HTR1D: variants seen among roughly 807,000 people sequenced by gnomAD.
HTR1D encodes 5-hydroxytryptamine receptor 1D.
HTR1D carries 18 observed loss-of-function variants against 21.1 expected under a neutral mutation model. The observed-to-expected ratio is 0.85, with a 90% CI of 0.59 to 1.27. HTR1D has a LOEUF of 1.27. Ranked by LOEUF, HTR1D falls within the 50% of genes most tolerant of loss-of-function variation. The pLI, the probability that HTR1D is intolerant of heterozygous loss-of-function variation, is 0.00. For missense variants in HTR1D, 456 were observed against 481.4 expected (o/e 0.95, Z 0.49); for synonymous variants, 196 against 204.4 (o/e 0.96, Z 0.35).
At chr1:23,212,624 CT>C (rs752422278) in intron 1 of HTR1D, among the ~76,000 whole-genome samples, 2 of 152,120 alleles carry the variant, frequency 1.3e-5, no homozygotes, top group Admixed American at 6.5e-5. Flanking sequence ...TTGTTCATAG[CT>C]ATATATTTTA....
intron 1 of HTR1D, among the ~76,000 whole-genome samples, chr1:23,209,799 A>T (rs1644747201): frequency 6.6e-6 from 1 of 152,132 alleles, no homozygotes; most frequent in Admixed American, 6.5e-5. Flanking sequence ...ATGCTCCACC[A>T]TCCATAAAAG....
rs1021907684 is a variant in HTR1D at position 23,217,457 on chromosome 1, C to T, written c.-949G>A. ...CCTTTCCGGCTCGCGCCCTCGCGAT[C>T]CCGCACCTGCCTCCGCCTCTCCCAG... is the stretch of plus-strand genomic sequence containing the variant. On this transcript the variant is annotated 5_prime_UTR_variant, in exon 1 of 2. Transcript: ENST00000374619. The surrounding 1 kb of genome is among the most constrained non-coding windows in gnomAD (Gnocchi z 4.6). Among the ~76,000 whole-genome samples, 2 of 151,948 alleles carry T rather than the reference C, an allele frequency of 1.3e-5. No homozygotes were observed. Among genetic ancestry groups the T allele is most frequent in the African/African-American group, 2.4e-5 (1 of 41,404 alleles).
chr1:23,212,064 C>T (rs112354063), intron 1 of HTR1D, among the ~76,000 whole-genome samples: 33 of 152,254 alleles, frequency 2.2e-4, no homozygotes, highest in African/African-American at 7.7e-4. Flanking sequence ...ACAAAAGACC[C>T]CACCTCCAGC....
chr1:23,203,586 GT>G (rs1170031980), intron 1 of HTR1D, among the ~76,000 whole-genome samples: 5 of 152,164 alleles, frequency 3.3e-5, no homozygotes, highest in African/African-American at 1.2e-4. Context: ...GAGCCCAAGA[GT>G]TTGAGGTTAC....
chr1:23,205,229 C>G (rs582999), intron 1 of HTR1D, among the ~76,000 whole-genome samples: 14 of 142,670 alleles, frequency 9.8e-5, no homozygotes, highest in Admixed American at 2.8e-4. Flanking sequence ...CAATGGACTT[C>G]GGGGACTTGG....
In HTR1D at chr1:23,192,985, C is replaced by A; in HGVS notation, c.*101G>T. On this transcript the variant is annotated 3_prime_UTR_variant, in exon 2 of 2. Coordinates refer to ENST00000374619, the MANE Select transcript of HTR1D (RefSeq NM_000864.5). ...TTGATTGAACCAAGACTCAAGATAC[C>A]ATGAATTAATCCAAGTCTCAGAAAA... The A allele has an allele frequency of 1.4e-6, 1 of 714,350 alleles. No homozygotes were observed. Among genetic ancestry groups the A allele is most frequent in the Non-Finnish European group, 2.2e-6 (1 of 461,010 alleles). 44.3% of individuals were successfully genotyped at this position (714,350 alleles called of 1,614,324 possible).
Position 23,193,866 on chromosome 1 carries a change from G to A in HTR1D, c.354C>T (p.Asp118=). 1 of 1,614,260 alleles carries A rather than the reference G, an allele frequency of 6.2e-7. No individual in the cohort carries two copies. Among genetic ancestry groups the A allele is most frequent in the Non-Finnish European group, 8.5e-7 (1 of 1,180,052 alleles). ...QILCDIWLSS[D]ITCCTASILH... is the part of the protein sequence containing the mutation. ...GGATGGAGGCTGTGCAGCACGTGAT[G>A]TCAGAGGACAGCCAGATGTCACACA... Residue 118 remains aspartate (D), a synonymous_variant, in exon 2 of 2, where the codon GAC becomes GAT. Transcript: ENST00000374619.
At chr1:23,216,694 G>A (rs907597355) in intron 1 of HTR1D, among the ~76,000 whole-genome samples, 2 of 152,238 alleles carry the variant, frequency 1.3e-5, no homozygotes, top group African/African-American at 2.4e-5. Flanking sequence ...AGCATCTAGC[G>A]GGGATCTCAC....
At chr1:23,207,512 T>G (rs2148242625) in intron 1 of HTR1D, among the ~76,000 whole-genome samples, 1 of 152,332 alleles carries the variant, frequency 6.6e-6, no homozygotes, top group South Asian at 2.1e-4. Context: ...CAAGTGCTTC[T>G]AAGGTAAAAC....
At chr1:23,208,689 G>A (rs1644742003) in intron 1 of HTR1D, among the ~76,000 whole-genome samples, 2 of 152,080 alleles carry the variant, frequency 1.3e-5, no homozygotes, top group South Asian at 2.1e-4. Context: ...GGGGGTGGGG[G>A]AAATGAATTA....
intron 1 of HTR1D, among the ~76,000 whole-genome samples, chr1:23,205,693 G>A (rs577475375): frequency 1.9e-4 from 29 of 150,896 alleles, no homozygotes; most frequent in African/African-American, 6.3e-4. Context: ...ACAGGCATGC[G>A]CCACCAGGTC....
At chr1:23,207,739 CTG>C (rs1003468515) in intron 1 of HTR1D, among the ~76,000 whole-genome samples, 1 of 150,872 alleles carries the variant, frequency 6.6e-6, no homozygotes, top group African/African-American at 2.4e-5. Context: ...ACCAAACACA[CTG>C]TTAAAAGGCA....
intron 1 of HTR1D, among the ~76,000 whole-genome samples, chr1:23,205,250 G>A (rs973758035): frequency 1.3e-5 from 2 of 152,084 alleles, no homozygotes; most frequent in African/African-American, 4.8e-5. Flanking sequence ...GGGGAAGGGT[G>A]GGAGGGGGAA....
At chr1:23,212,001 A>G (rs920647782) in intron 1 of HTR1D, among the ~76,000 whole-genome samples, 1 of 152,022 alleles carries the variant, frequency 6.6e-6, no homozygotes, top group African/African-American at 2.4e-5. Context: ...TTACCTATCC[A>G]GACATCACAC....
At position 23,198,643 on chromosome 1, in the gene HTR1D, G is replaced by A. The variant is rs78315153; in HGVS notation, c.-782-3642C>T. Reference sequence around the variant, plus strand: ...CAACAGCAGAATGGTAGCATATGGCGTATTCCTATGATGGAGGGCTACAGA... The same window carrying A: ...CAACAGCAGAATGGTAGCATATGGCATATTCCTATGATGGAGGGCTACAGA... On this transcript the variant is annotated intron_variant, in intron 1 of 1. Transcript: ENST00000374619. Among the ~76,000 whole-genome samples the A allele has an allele frequency of 8.2e-3, 1,248 of 152,218 alleles. 9 individuals carry two copies. Among genetic ancestry groups the A allele is most frequent in the African/African-American group, 0.016 (669 of 41,524 alleles).
chr1:23,202,013 A>G (rs991308745), intron 1 of HTR1D, among the ~76,000 whole-genome samples: 24 of 152,214 alleles, frequency 1.6e-4, no homozygotes, highest in African/African-American at 5.3e-4. Flanking sequence ...GAACATGCCT[A>G]GCACAGTGGC....
In HTR1D at chr1:23,193,543, T is replaced by A; in HGVS notation, c.677A>T (p.Asn226Ile). 2 of 1,614,030 alleles carry A rather than the reference T, an allele frequency of 1.2e-6. No individual in the cohort carries two copies. Among genetic ancestry groups the A allele is most frequent in the Non-Finnish European group, 1.7e-6 (2 of 1,179,906 alleles). ...GAGTGAGGGTGGATTCAGGATGCGG[T>A]TCCGGGCAGCCCGGTAGATCCGGCC... is the stretch of plus-strand genomic sequence containing the variant. ...LYGRIYRAAR[N>I]RILNPPSLYG... The change falls in exon 2 of 2, where the codon AAC becomes ATC. Residue 226 changes from asparagine (N) to isoleucine (I), a missense_variant. Coordinates refer to ENST00000374619, the MANE Select transcript of HTR1D (RefSeq NM_000864.5).
rs979645946 is a variant in HTR1D, at chr1:23,207,074, C to T, written c.-783+10217G>A. Among the ~76,000 whole-genome samples, 38 of 152,076 alleles carry T rather than the reference C, an allele frequency of 2.5e-4. 1 individual carries two copies. Among genetic ancestry groups the T allele is most frequent in the African/African-American group, 8.9e-4 (37 of 41,428 alleles). ...CCAGATCAGAGATTCTCTTGGTGAG[C>T]ATCAGAATCACCTACCTTGAAGAGC... On this transcript the variant is annotated intron_variant, in intron 1 of 1. Transcript: ENST00000374619.
chr1:23,213,970 G>A (rs1008276444), intron 1 of HTR1D, among the ~76,000 whole-genome samples: 6 of 152,120 alleles, frequency 3.9e-5, no homozygotes, highest in Admixed American at 3.9e-4. Context: ...CTCCAGGTTT[G>A]TTTGTGTCTC....
Sources: allele counts gnomAD v4.1 joint callset (sites outside exome capture counted in the v4.1 genomes callset), GRCh38; gene constraint gnomAD v4.1.1; non-coding constraint Gnocchi (gnomAD v3.1); transcripts MANE v1.5; gene names NCBI Gene and HGNC (gene_info 2026-07-23, HGNC 2026-07-21).